Variants in WEE1 observed in about 807,000 individuals in gnomAD.
WEE1 encodes the protein WEE1 G2 checkpoint kinase.
A neutral mutation model predicts 68.8 loss-of-function variants in WEE1; 16 were observed. The ratio of observed to expected loss-of-function variants is 0.23; its 90% CI spans 0.16 to 0.35. The LOEUF (loss-of-function observed/expected upper bound fraction) is 0.35, where lower values mean the gene tolerates loss of function less well. WEE1 is among the 10% of genes least tolerant of loss of function. WEE1 has a pLI of 1.00. For missense variants in WEE1, 651 were observed against 824.1 expected (o/e 0.79, Z 2.57); for synonymous variants, 349 against 318.7 (o/e 1.09, Z -1.01).
intron 5 of WEE1, chr11:9,580,756 A>AAT (rs1484352058): frequency 2.0e-5 from 3 of 152,224 alleles, no homozygotes; most frequent in African/African-American, 7.2e-5. Flanking sequence ...GTGCCCAGCC[A>AAT]ATAAATGCAT....
At chr11:9,588,316 TC>T in intron 10 of WEE1, 132 bp from the exon 11 acceptor site, 1 of 547,196 alleles carries the variant, frequency 1.8e-6, no homozygotes, top group Non-Finnish European at 2.9e-6. Context: ...AGCTTCAGTT[TC>T]CTGTTTTATT....
At position 9,574,498 on chromosome 11, in the gene WEE1, C is replaced by T; in HGVS notation, c.565C>T (p.His189Tyr). 1 of 1,252,464 alleles carries T rather than the reference C, an allele frequency of 8.0e-7. No homozygotes were observed. The highest frequency in any genetic ancestry group is 1.0e-6 in the Non-Finnish European group (1 of 999,676). The allele number at this position is 1,252,464 out of a possible 1,614,324, so 77.6% of individuals were successfully genotyped here. A position where few individuals can be genotyped will look rare whatever the true frequency, so the allele number is the denominator to read the frequency against. Reference protein sequence around the residue: ...FRKLRLFDTPHTPKSLLSKAR... With the variant: ...FRKLRLFDTPYTPKSLLSKAR... ...CAAGCTGCGACTCTTCGACACCCCG[C>T]ACACGCCCAAGGTGAGAGCGGCGGG... Residue 189 changes from histidine (H) to tyrosine (Y), a missense_variant, in exon 1 of 11, where the codon CAC (histidine) becomes TAC (tyrosine). His to Tyr is a moderately conservative substitution (Grantham distance 83). Coordinates refer to ENST00000450114, the MANE Select transcript of WEE1 (RefSeq NM_003390.4). This position sits in a 1 kb window ranked among gnomAD's most constrained non-coding sequence, Gnocchi z 4.9.
chr11:9,574,471 C>A lies in WEE1; in HGVS notation c.538C>A (p.Arg180Ser). The stretch of plus-strand genomic sequence containing the variant: ...GGGCACCCCGCCACACAAGACCTTC[C>A]GCAAGCTGCGACTCTTCGACACCCC... ...HPGTPPHKTFRKLRLFDTPHT... is the reference protein window; with the variant it reads ...HPGTPPHKTFSKLRLFDTPHT... Residue 180 changes from arginine (R) to serine (S), a missense_variant, in exon 1 of 11, where the codon CGC (arginine) becomes AGC (serine). Transcript: ENST00000450114. This position sits in a 1 kb window ranked among gnomAD's most constrained non-coding sequence, Gnocchi z 4.9. 1 of 1,260,440 alleles carries A rather than the reference C, an allele frequency of 7.9e-7. No individual in the cohort carries two copies. 78.1% of individuals were successfully genotyped at this position (1,260,440 alleles called of 1,614,324 possible).
At position 9,589,208 on chromosome 11, in the gene WEE1, T is replaced by A. The variant is rs1306205254; in HGVS notation, c.*606T>A. ...AGCATTAAACAATCATTGTTGTTAA[T>A]AGGTCTTCTTTTTGAAACAATTATG... On this transcript the variant is annotated 3_prime_UTR_variant, in exon 11 of 11. Transcript: ENST00000450114. The A allele has an allele frequency of 2.4e-5, 24 of 985,682 alleles. No individual in the cohort carries two copies. The highest frequency in any genetic ancestry group is 2.9e-5 in the Non-Finnish European group (24 of 829,902). The allele number at this position is 985,682 out of a possible 1,614,324, so 61.1% of individuals were successfully genotyped here.
chr11:9,580,735 C>T (rs4910482), intron 5 of WEE1: 50,631 of 151,886 alleles, frequency 0.33, 9,298 homozygotes, highest in Non-Finnish European at 0.42. Flanking sequence ...GGATTACAGG[C>T]GTGAGCCACT....
chr11:9,588,428 T>G lies in WEE1; in HGVS notation c.1788-21T>G, dbSNP rs1360922400. The G allele has an allele frequency of 2.0e-6, 3 of 1,536,252 alleles. No individual in the cohort carries two copies. In the East Asian group the frequency reaches 7.0e-5, roughly 36 times the overall value. ...GAATCTCTTCCTAGGAATAATACCT[T>G]GTTTTCTATTTTTATGTCAGAGAAC... On this transcript the variant is annotated intron_variant, in intron 10 of 10. Coordinates refer to ENST00000450114, the MANE Select transcript of WEE1 (RefSeq NM_003390.4).
intron 6 of WEE1, among the ~76,000 whole-genome samples, chr11:9,584,002 T>G (rs1849672973): frequency 6.6e-6 from 1 of 151,074 alleles, no homozygotes; most frequent in Admixed American, 6.6e-5. Flanking sequence ...TGCACCACCA[T>G]GCCTAGTTAA....
intron 1 of WEE1, chr11:9,575,243 C>T: frequency 1.0e-6 from 1 of 985,652 alleles, no homozygotes; most frequent in African/African-American, 1.7e-5. Context: ...GTGTTCAGCA[C>T]CTGTGTTTTG....
At chr11:9,577,012 C>A in intron 4 of WEE1, 130 bp from the exon 5 acceptor site, 1 of 1,003,102 alleles carries the variant, frequency 1.0e-6, no homozygotes, top group Non-Finnish European at 1.4e-6. Flanking sequence ...CCCCTTCTCT[C>A]TTAAGCAAGT....
At chr11:9,583,765 A>G (rs1263103683) in intron 6 of WEE1, among the ~76,000 whole-genome samples, 18 of 33,532 alleles carry the variant, frequency 5.4e-4, no homozygotes, top group East Asian at 3.9e-3. Flanking sequence ...GCGCGCGCAC[A>G]CACACACACA....
chr11:9,580,075 T>G (rs1849607796), intron 5 of WEE1: 1 of 152,240 alleles, frequency 6.6e-6, no homozygotes, highest in Non-Finnish European at 1.5e-5. Context: ...CAGGTTATGG[T>G]CTCATTCATA....
chr11:9,583,537 C>T (rs1220772362), intron 6 of WEE1, among the ~76,000 whole-genome samples: 2 of 148,552 alleles, frequency 1.3e-5, no homozygotes, highest in African/African-American at 5.0e-5. Context: ...ATTGCTTGAA[C>T]CCGGGAGGAG....
chr11:9,585,169 G>A (rs1490724965), intron 6 of WEE1, 89 bp from the exon 7 acceptor site: 5 of 1,031,378 alleles, frequency 4.8e-6, no homozygotes, highest in African/African-American at 1.6e-5. Flanking sequence ...ATTTTAAAAA[G>A]CATTATGGAT....
chr11:9,574,018 C>A lies in WEE1; in HGVS notation c.85C>A (p.Pro29Thr). 7.8e-7 allele frequency: 1 copy of A among 1,276,570 alleles called. No homozygotes were observed. 79.1% of individuals were successfully genotyped at this position (1,276,570 alleles called of 1,614,324 possible). Residue 29 changes from proline to threonine, a missense_variant, in exon 1 of 11, where the codon CCC becomes ACC. Pro to Thr is a conservative substitution (Grantham distance 38, BLOSUM62 -1). Transcript: ENST00000450114. The surrounding 1 kb of genome is among the most constrained non-coding windows in gnomAD (Gnocchi z 4.9). ...CTLRQKLIFSPCSDCEEEEEE... is the reference protein window; with the variant it reads ...CTLRQKLIFSTCSDCEEEEEE... ...CTTGCGGCAGAAGCTGATCTTCTCGCCCTGCAGCGACTGTGAGGAGGAGGA... is the reference window on the plus strand; with the variant it reads ...CTTGCGGCAGAAGCTGATCTTCTCGACCTGCAGCGACTGTGAGGAGGAGGA...
chr11:9,574,693 C>G lies in WEE1; in HGVS notation c.576+184C>G, dbSNP rs1007386069. 3 of 1,090,380 alleles carry G rather than the reference C, an allele frequency of 2.8e-6. No individual in the cohort carries two copies. Among genetic ancestry groups the G allele is most frequent in the Non-Finnish European group, 3.3e-6 (3 of 898,726 alleles). The allele number at this position is 1,090,380 out of a possible 1,614,324, so 67.5% of individuals were successfully genotyped here. On this transcript the variant is annotated intron_variant, in intron 1 of 10. Coordinates refer to ENST00000450114, the MANE Select transcript of WEE1 (RefSeq NM_003390.4). This position sits in a 1 kb window ranked among gnomAD's most constrained non-coding sequence, Gnocchi z 4.9. ...GAGGTTGTCCGTTGAGATTATGTAA[C>G]TGAACAATGGGCCTCGTCTGGAACT...
intron 8 of WEE1, among the ~76,000 whole-genome samples, chr11:9,585,919 G>A (rs952736247): frequency 6.6e-6 from 1 of 152,194 alleles, no homozygotes; most frequent in Non-Finnish European, 1.5e-5. Context: ...ATAAGAGAAT[G>A]ATTAAGTAAA....
Position 9,576,627 on chromosome 11 carries a change from A to G in WEE1, c.987A>G (p.Arg329=), listed in dbSNP as rs1224321996. 10 of 1,613,148 alleles carry G rather than the reference A, an allele frequency of 6.2e-6. No individual in the cohort carries two copies. In the Admixed American group the frequency reaches 1.2e-4, roughly 19 times the overall value. The change falls in exon 4 of 11, where the codon CGA becomes CGG. Residue 329 remains arginine, a synonymous_variant. Coordinates refer to ENST00000450114, the MANE Select transcript of WEE1 (RefSeq NM_003390.4). The surrounding 1 kb of genome is among the most constrained non-coding windows in gnomAD (Gnocchi z 4.3). ...ATGGATGCATTTATGCCATTAAGCG[A>G]TCAAAAAAGCCATTGGCGGGCTCTG... The part of the protein sequence containing the change: ...RLDGCIYAIK[R]SKKPLAGSVD...
chr11:9,588,317 C>T (rs1270787254), intron 10 of WEE1, 132 bp from the exon 11 acceptor site: 3 of 546,006 alleles, frequency 5.5e-6, no homozygotes, highest in Non-Finnish European at 5.9e-6. Flanking sequence ...GCTTCAGTTT[C>T]CTGTTTTATT....
chr11:9,588,333 A>G (rs144810527), intron 10 of WEE1, 116 bp from the exon 11 acceptor site: 156 of 633,972 alleles, frequency 2.5e-4, no homozygotes, highest in Non-Finnish European at 3.1e-4. Context: ...TTATTTTTCA[A>G]TTACATCTTA....
Sources: allele counts gnomAD v4.1 joint callset (sites outside exome capture counted in the v4.1 genomes callset), GRCh38; gene constraint gnomAD v4.1.1; non-coding constraint Gnocchi (gnomAD v3.1); transcripts MANE v1.5; gene names NCBI Gene and HGNC (gene_info 2026-07-23, HGNC 2026-07-21).